Variants in DPP6 observed in about 807,000 individuals in gnomAD.
The protein encoded by DPP6 is dipeptidyl peptidase like 6, also known as A-type potassium channel modulatory protein DPP6.
Under a neutral mutation model 122.6 loss-of-function variants are expected in DPP6, and 69 were observed. That is an observed-to-expected ratio of 0.56 (90% CI 0.46 to 0.69). The LOEUF (loss-of-function observed/expected upper bound fraction) is 0.69. Among genes scored for constraint, DPP6 ranks in the 30% least tolerant of loss-of-function variants. The pLI is 0.00. For missense variants in DPP6, 928 were observed against 1,116.9 expected (o/e 0.83, Z 2.41); for synonymous variants, 418 against 433.1 (o/e 0.97, Z 0.43).
chr7:154,252,548 C>A (rs1802419713), intron 1 of DPP6, among the ~76,000 whole-genome samples: 1 of 152,194 alleles, frequency 6.6e-6, no homozygotes, highest in Admixed American at 6.5e-5. Context: ...GTTCTACCTC[C>A]ACCCCACACT....
intron 1 of DPP6, among the ~76,000 whole-genome samples, chr7:154,138,250 A>G (rs1038553535): frequency 6.6e-6 from 1 of 152,262 alleles, no homozygotes; most frequent in Non-Finnish European, 1.5e-5. Context: ...TATGGTGCCA[A>G]TAAACACACT....
rs138494596 is a variant in DPP6 at position 153,938,689 on chromosome 7, C to T, written c.51+50955C>T. On this transcript the variant is annotated intron_variant, in intron 1 of 25. Coordinates refer to the DPP6 transcript ENST00000404039. The stretch of plus-strand genomic sequence containing the variant: ...TGACTTCTCTCACACGGCCTCCTCT[C>T]GCCTTCCCTGCAACTTCATTTTTAG... Among the ~76,000 whole-genome samples the T allele has an allele frequency of 1.6e-3, 242 of 152,334 alleles. No individual in the cohort carries two copies. The East Asian group carries it at 0.022, about 14-fold the overall frequency.
chr7:154,313,729 G>T (rs10247818), intron 1 of DPP6, among the ~76,000 whole-genome samples: 1 of 59,696 alleles, frequency 1.7e-5, no homozygotes, highest in Non-Finnish European at 3.8e-5. Context: ...ACACACGCAC[G>T]CACACACACA....
chr7:154,199,947 C>T (rs532865982), intron 1 of DPP6, among the ~76,000 whole-genome samples: 15 of 152,274 alleles, frequency 9.9e-5, no homozygotes, highest in African/African-American at 2.6e-4. Flanking sequence ...AAAAAAATCT[C>T]CTGATTGTCA....
At chr7:154,668,883 G>A (rs56017577) in intron 6 of DPP6, among the ~76,000 whole-genome samples, 2,730 of 152,050 alleles carry the variant, frequency 0.018, 76 homozygotes, top group African/African-American at 0.061. Flanking sequence ...TCTCTCTCTC[G>A]ACTTGTATCT....
At chr7:154,102,833 C>A (rs1484856582) in intron 1 of DPP6, among the ~76,000 whole-genome samples, 6 of 152,192 alleles carry the variant, frequency 3.9e-5, no homozygotes, top group Non-Finnish European at 8.8e-5. Context: ...GTGCATCATG[C>A]ACACTATAGT....
At chr7:154,174,752 T>C (rs930306945) in intron 1 of DPP6, among the ~76,000 whole-genome samples, 2 of 152,214 alleles carry the variant, frequency 1.3e-5, no homozygotes, top group Admixed American at 6.5e-5. Flanking sequence ...GCAAGCAAGT[T>C]GCTCATTTCC....
intron 1 of DPP6, among the ~76,000 whole-genome samples, chr7:154,023,136 C>T (rs538055191): frequency 1.3e-5 from 2 of 151,772 alleles, no homozygotes; most frequent in Non-Finnish European, 2.9e-5. Flanking sequence ...TTTAGTGAGT[C>T]CAGGACACCT....
rs554812419 is a variant in DPP6 at position 154,397,731 on chromosome 7, T to C, written c.244-48483T>C. 2.0e-5 allele frequency among the ~76,000 whole-genome samples: 3 copies of C among 152,220 alleles called. No individual in the cohort carries two copies. In the South Asian group the frequency reaches 6.2e-4, roughly 32 times the overall value. On this transcript the variant is annotated intron_variant, in intron 1 of 25. Coordinates refer to ENST00000377770, the MANE Select transcript of DPP6 (RefSeq NM_130797.4). Reference sequence around the variant, plus strand: ...TTGATGTTGCAGCATTTGGGATGAGTTCTAATATGTTTGTTCACTTTTAAA... The same window carrying C: ...TTGATGTTGCAGCATTTGGGATGAGCTCTAATATGTTTGTTCACTTTTAAA...
chr7:153,797,882 C>A, the DPP6 span, among the ~76,000 whole-genome samples: 1 of 152,052 alleles, frequency 6.6e-6, no homozygotes, highest in Non-Finnish European at 1.5e-5. Context: ...CGCTCTGTCG[C>A]CCAAGCTGGA....
chr7:154,150,563 T>C (rs1796360111), intron 1 of DPP6, among the ~76,000 whole-genome samples: 1 of 152,198 alleles, frequency 6.6e-6, no homozygotes, highest in Admixed American at 6.5e-5. Context: ...CAGTCTGAGC[T>C]CATATTTGCC....
At chr7:154,571,470 T>C (rs1051175489) in intron 5 of DPP6, among the ~76,000 whole-genome samples, 1 of 152,234 alleles carries the variant, frequency 6.6e-6, no homozygotes, top group Admixed American at 6.5e-5. Context: ...GCCTAAAAAG[T>C]AGCCTAGTAT....
At chr7:154,251,226 A>G (rs1287033612) in intron 1 of DPP6, among the ~76,000 whole-genome samples, 1 of 152,218 alleles carries the variant, frequency 6.6e-6, no homozygotes, top group African/African-American at 2.4e-5. Flanking sequence ...CCAAATTAAC[A>G]TTAGGATGTT....
chr7:154,440,898 C>T (rs1819320063), intron 1 of DPP6, among the ~76,000 whole-genome samples: 1 of 152,170 alleles, frequency 6.6e-6, no homozygotes, highest in African/African-American at 2.4e-5. Flanking sequence ...CCCCCGATTG[C>T]TCCAGTCTTC....
intron 3 of DPP6, among the ~76,000 whole-genome samples, chr7:154,479,051 G>A (rs1243582167): frequency 5.3e-5 from 8 of 152,116 alleles, no homozygotes; most frequent in Admixed American, 2.0e-4. Context: ...GAACTAATAC[G>A]CTTTATTTAT....
the DPP6 span, among the ~76,000 whole-genome samples, chr7:153,846,139 T>C: frequency 1.1e-4 from 17 of 152,340 alleles, 1 homozygote; most frequent in Admixed American, 9.8e-4. Context: ...GCCCCACATC[T>C]TCGTCAACAT....
At chr7:154,794,793 C>T (rs1797918626) in intron 11 of DPP6, among the ~76,000 whole-genome samples, 2 of 5,354 alleles carry the variant, frequency 3.7e-4, no homozygotes, top group African/African-American at 6.4e-4. Context: ...CCCACGGCCT[C>T]ACCCTCGCCC....
intron 1 of DPP6, among the ~76,000 whole-genome samples, chr7:154,024,239 TAGC>T (rs769678647): frequency 3.3e-5 from 5 of 152,162 alleles, no homozygotes; most frequent in African/African-American, 9.7e-5. Flanking sequence ...ATCCACAAAT[TAGC>T]AGCCTGATTC....
intron 5 of DPP6, among the ~76,000 whole-genome samples, chr7:154,628,291 C>T (rs1212538004): frequency 2.0e-5 from 3 of 152,158 alleles, no homozygotes; most frequent in African/African-American, 7.2e-5. Context: ...TTATTCTTCC[C>T]ATGGAAGCAA....
Sources: allele counts gnomAD v4.1 joint callset (sites outside exome capture counted in the v4.1 genomes callset), GRCh38; gene constraint gnomAD v4.1.1; transcripts MANE v1.5; gene names NCBI Gene and HGNC (gene_info 2026-07-23, HGNC 2026-07-21).